NRXN1: variants seen among roughly 807,000 people sequenced by gnomAD.
The protein encoded by NRXN1 is neurexin 1.
NRXN1 carries 39 observed loss-of-function variants against 150.9 expected under a neutral mutation model. The ratio of observed to expected loss-of-function variants is 0.26; its 90% CI spans 0.20 to 0.34. The LOEUF (loss-of-function observed/expected upper bound fraction) is 0.34, where lower values mean the gene tolerates loss of function less well. Among genes scored for constraint, NRXN1 ranks in the 10% least tolerant of loss-of-function variants. NRXN1 has a pLI of 1.00. For synonymous variants in NRXN1, 924 were observed against 757.0 expected, an observed-to-expected ratio of 1.22 and a Z score of -3.62; for missense variants, 1,815 against 1,949.9, an observed-to-expected ratio of 0.93 and a Z score of 1.30.
At chr2:50,650,891 T>G (rs188875097) in intron 5 of NRXN1, among the ~76,000 whole-genome samples, 5 of 152,166 alleles carry the variant, frequency 3.3e-5, no homozygotes, top group Admixed American at 3.3e-4. Flanking sequence ...TATAAAAAAG[T>G]ATAAAAATAA....
At chr2:50,941,177 GT>G (rs1393926528) in intron 2 of NRXN1, among the ~76,000 whole-genome samples, 4 of 152,010 alleles carry the variant, frequency 2.6e-5, no homozygotes, top group African/African-American at 9.7e-5. Context: ...ATGATTTTAA[GT>G]TTCTTGAGAC....
At chr2:50,564,784 G>C (rs1669611677) in intron 8 of NRXN1, among the ~76,000 whole-genome samples, 1 of 152,210 alleles carries the variant, frequency 6.6e-6, no homozygotes, top group Non-Finnish European at 1.5e-5. Context: ...CTGCTAAGCA[G>C]TAGGGTATTT....
At chr2:50,253,940 G>C (rs370184173) in intron 17 of NRXN1, among the ~76,000 whole-genome samples, 18 of 150,646 alleles carry the variant, frequency 1.2e-4, no homozygotes, top group South Asian at 4.2e-4. Context: ...AAATGAGTTA[G>C]GGAGAAGTCC....
chr2:50,766,366 G>A (rs1262479970), intron 5 of NRXN1, among the ~76,000 whole-genome samples: 3 of 151,958 alleles, frequency 2.0e-5, no homozygotes, highest in Non-Finnish European at 2.9e-5. Context: ...TTGCAAAAAT[G>A]TGTATTTCTC....
intron 15 of NRXN1, among the ~76,000 whole-genome samples, chr2:50,484,809 C>A (rs184830881): frequency 4.2e-4 from 64 of 152,168 alleles, no homozygotes; most frequent in Admixed American, 4.2e-3. Flanking sequence ...TTTGCAACTA[C>A]CAGAAGTGGA....
intron 12 of NRXN1, among the ~76,000 whole-genome samples, chr2:50,512,783 T>C (rs1008187098): frequency 2.0e-5 from 3 of 152,188 alleles, no homozygotes; most frequent in African/African-American, 4.8e-5. Context: ...AAAAATATTG[T>C]TCTAAATACA....
intron 5 of NRXN1, among the ~76,000 whole-genome samples, chr2:50,698,043 C>G (rs1428742239): frequency 1.3e-5 from 2 of 152,200 alleles, no homozygotes; most frequent in African/African-American, 2.4e-5. Flanking sequence ...CTTCATAACA[C>G]CTATCATTAT....
At chr2:50,645,003 A>T (rs1017335768) in intron 5 of NRXN1, among the ~76,000 whole-genome samples, 3 of 151,884 alleles carry the variant, frequency 2.0e-5, no homozygotes, top group African/African-American at 7.2e-5. Context: ...ATCACAGTGC[A>T]TTTATAAAAT....
chr2:50,481,861 G>T (rs2090490041), intron 15 of NRXN1, among the ~76,000 whole-genome samples: 1 of 125,900 alleles, frequency 7.9e-6, no homozygotes, highest in Non-Finnish European at 1.5e-5. Flanking sequence ...CGCCTCCCGG[G>T]TTCACGCTAT....
At chr2:50,318,363 G>C (rs1434202484) in intron 17 of NRXN1, among the ~76,000 whole-genome samples, 2 of 152,090 alleles carry the variant, frequency 1.3e-5, no homozygotes, top group African/African-American at 4.8e-5. Flanking sequence ...CAGGTGAATG[G>C]TAAGTAATTT....
intron 8 of NRXN1, among the ~76,000 whole-genome samples, chr2:50,557,458 C>G: frequency 6.6e-6 from 1 of 152,200 alleles, no homozygotes; most frequent in Non-Finnish European, 1.5e-5. Flanking sequence ...ATCTTTCATA[C>G]TTGTGGCTAA....
rs540501757 is a variant in NRXN1, at chr2:50,381,687, G to C, written c.3364+83755C>G. 2.0e-5 allele frequency among the ~76,000 whole-genome samples: 3 copies of C among 152,106 alleles called. No individual in the cohort carries two copies. In the South Asian group the frequency reaches 6.2e-4, roughly 32 times the overall value. On this transcript the variant is annotated intron_variant, in intron 17 of 22. Coordinates refer to ENST00000401669, the MANE Select transcript of NRXN1 (RefSeq NM_001330078.2). ...CTATTAGGTTGGTGGAAAAGTAATT[G>C]TGGTTTTTGCCATTACTTTCAATGG...
intron 19 of NRXN1, among the ~76,000 whole-genome samples, chr2:50,088,132 G>T (rs1035400047): frequency 7.2e-5 from 11 of 152,038 alleles, no homozygotes; most frequent in African/African-American, 2.7e-4. Flanking sequence ...ACCACAAACT[G>T]ACATAAAATA....
chr2:50,395,513 G>T (rs1056149247), intron 17 of NRXN1, among the ~76,000 whole-genome samples: 4 of 151,868 alleles, frequency 2.6e-5, no homozygotes, highest in African/African-American at 9.7e-5. Flanking sequence ...AATCAAAGCA[G>T]GTCCTTTATA....
At chr2:50,166,601 T>A (rs915362625) in intron 18 of NRXN1, among the ~76,000 whole-genome samples, 1 of 152,112 alleles carries the variant, frequency 6.6e-6, no homozygotes, top group Non-Finnish European at 1.5e-5. Flanking sequence ...AAAAAATATA[T>A]GTGTTTTTTG....
intron 18 of NRXN1, among the ~76,000 whole-genome samples, chr2:50,119,008 T>C (rs1399023694): frequency 6.6e-6 from 1 of 151,644 alleles, no homozygotes; most frequent in Non-Finnish European, 1.5e-5. Context: ...TATTACAGAA[T>C]TGCTGATAAA....
intron 5 of NRXN1, among the ~76,000 whole-genome samples, chr2:50,696,615 C>T (rs1035374196): frequency 6.6e-6 from 1 of 152,098 alleles, no homozygotes; most frequent in Admixed American, 6.6e-5. Flanking sequence ...ACTATTTCTT[C>T]TTTTATCTTG....
chr2:50,564,656 T>C (rs899119466), intron 8 of NRXN1, among the ~76,000 whole-genome samples: 1 of 152,330 alleles, frequency 6.6e-6, no homozygotes, highest in East Asian at 1.9e-4. Flanking sequence ...ACTAAATATA[T>C]GGCCTTTTCT....
intron 5 of NRXN1, among the ~76,000 whole-genome samples, chr2:50,881,902 T>C (rs1360916676): frequency 6.6e-6 from 1 of 151,776 alleles, no homozygotes; most frequent in Non-Finnish European, 1.5e-5. Flanking sequence ...TACTGTTTTT[T>C]TAAAAAAATA....
Sources: allele counts gnomAD v4.1 joint callset (sites outside exome capture counted in the v4.1 genomes callset), GRCh38; gene constraint gnomAD v4.1.1; transcripts MANE v1.5; gene names NCBI Gene and HGNC (gene_info 2026-07-23, HGNC 2026-07-21).